Variants in ESRP1 observed in about 807,000 individuals in gnomAD.
ESRP1 encodes epithelial splicing regulatory protein 1.
Under a neutral mutation model 81.7 loss-of-function variants are expected in ESRP1, and 33 were observed. The ratio of observed to expected loss-of-function variants is 0.40; its 90% CI spans 0.31 to 0.54. The LOEUF (loss-of-function observed/expected upper bound fraction) is 0.54, where lower values mean the gene tolerates loss of function less well. Ranked by LOEUF, ESRP1 falls within the 20% of genes least tolerant of loss-of-function variation. The probability of loss-of-function intolerance (pLI) is 0.41; values close to 1 mark genes in which losing one functional copy is unlikely to be tolerated. For synonymous variants in ESRP1, 320 were observed against 303.3 expected (o/e 1.06, Z -0.57); for missense variants, 672 against 833.1 (o/e 0.81, Z 2.38).
chr8:94,692,899 A>C, intron 14 of ESRP1, 72 bp downstream of exon 14: 1 of 1,491,194 alleles, frequency 6.7e-7, no homozygotes, highest in South Asian at 1.2e-5. Context: ...GAATGCAGCC[A>C]GGAAAGAAAC....
At chr8:94,698,472 T>C (rs1432095745) in intron 15 of ESRP1, among the ~76,000 whole-genome samples, 1 of 152,254 alleles carries the variant, frequency 6.6e-6, no homozygotes, top group African/African-American at 2.4e-5. Context: ...CGTGTCTTTT[T>C]CCTTTTCTAG....
intron 13 of ESRP1, among the ~76,000 whole-genome samples, chr8:94,682,996 A>T (rs1488921751): frequency 8.8e-6 from 1 of 114,142 alleles, no homozygotes; most frequent in Non-Finnish European, 1.7e-5. Flanking sequence ...CCAGGCTGGA[A>T]TGCAGTGGCA....
At chr8:94,648,828 A>G (rs957711388) in intron 4 of ESRP1, among the ~76,000 whole-genome samples, 38 of 152,266 alleles carry the variant, frequency 2.5e-4, no homozygotes, top group Admixed American at 1.4e-3. Context: ...AGGATACAGA[A>G]ATATCAATTT....
chr8:94,695,067 A>G (rs1056721182), intron 14 of ESRP1, among the ~76,000 whole-genome samples: 1 of 152,174 alleles, frequency 6.6e-6, no homozygotes, highest in Non-Finnish European at 1.5e-5. Context: ...CTTGAAGAGT[A>G]CATGCCTTCT....
intron 15 of ESRP1, among the ~76,000 whole-genome samples, chr8:94,699,532 C>T (rs1809734350): frequency 6.6e-6 from 1 of 151,958 alleles, no homozygotes; most frequent in Admixed American, 6.6e-5. Flanking sequence ...TCCGGCTACT[C>T]CGGAGGCTGA....
chr8:94,668,511 C>T (rs1295090857), intron 10 of ESRP1: 2 of 279,578 alleles, frequency 7.2e-6, no homozygotes, highest in Non-Finnish European at 6.6e-6. Flanking sequence ...ACTATGAAAG[C>T]TTACCTATGT....
intron 15 of ESRP1, among the ~76,000 whole-genome samples, chr8:94,701,515 G>A (rs1178067311): frequency 6.6e-6 from 1 of 152,152 alleles, no homozygotes; most frequent in African/African-American, 2.4e-5. Context: ...TGTCGGGCTG[G>A]AAGAAATGCT....
chr8:94,693,643 G>A (rs556566575), intron 14 of ESRP1, among the ~76,000 whole-genome samples: 4 of 152,204 alleles, frequency 2.6e-5, no homozygotes, highest in South Asian at 4.1e-4. Flanking sequence ...GGATCTGAAC[G>A]TTGCTTGAGT....
chr8:94,648,081 AC>A (rs1294758024), intron 4 of ESRP1, among the ~76,000 whole-genome samples: 1 of 152,048 alleles, frequency 6.6e-6, no homozygotes, highest in Admixed American at 6.6e-5. Flanking sequence ...ATATAGAGAA[AC>A]CCCATGTCAA....
intron 3 of ESRP1, among the ~76,000 whole-genome samples, chr8:94,644,948 A>T (rs1159436676): frequency 6.6e-6 from 1 of 152,240 alleles, no homozygotes; most frequent in Non-Finnish European, 1.5e-5. Context: ...GAGCATTCAT[A>T]CGGCGTAAGC....
At chr8:94,648,730 A>G (rs1438187508) in intron 4 of ESRP1, among the ~76,000 whole-genome samples, 1 of 152,196 alleles carries the variant, frequency 6.6e-6, no homozygotes, top group Non-Finnish European at 1.5e-5. Flanking sequence ...AAACACCTGG[A>G]GAAGAGCAGA....
intron 12 of ESRP1, among the ~76,000 whole-genome samples, chr8:94,676,190 C>T (rs1250323021): frequency 6.6e-6 from 1 of 151,808 alleles, no homozygotes; most frequent in Non-Finnish European, 1.5e-5. Context: ...GTGAAACCCC[C>T]TCTCTACTAA....
At chr8:94,704,138 A>G (rs1809959207) in intron 15 of ESRP1, among the ~76,000 whole-genome samples, 2 of 149,298 alleles carry the variant, frequency 1.3e-5, no homozygotes, top group Non-Finnish European at 3.0e-5. Context: ...AGGCAGATTT[A>G]ATCTTGAAAT....
intron 11 of ESRP1, among the ~76,000 whole-genome samples, chr8:94,672,326 A>G (rs967640233): frequency 6.6e-6 from 1 of 152,146 alleles, no homozygotes; most frequent in African/African-American, 2.4e-5. Flanking sequence ...TCTCAAATGT[A>G]TTAATGAATG....
intron 3 of ESRP1, 38 bp downstream of exon 3, chr8:94,643,454 C>G (rs1265072796): frequency 7.0e-7 from 1 of 1,421,780 alleles, no homozygotes; most frequent in Non-Finnish European, 9.9e-7. Context: ...ATGGTTGGAG[C>G]TTTGGGGTGA....
At chr8:94,684,265 A>G (rs1034390587) in intron 13 of ESRP1, among the ~76,000 whole-genome samples, 2 of 152,082 alleles carry the variant, frequency 1.3e-5, no homozygotes, top group African/African-American at 2.4e-5. Flanking sequence ...TTTCCTATTT[A>G]TTTGTTTGGT....
intron 13 of ESRP1, among the ~76,000 whole-genome samples, chr8:94,686,991 G>T (rs7813657): frequency 3.3e-5 from 5 of 151,816 alleles, no homozygotes; most frequent in Non-Finnish European, 7.4e-5. Context: ...TTAGGTGTTC[G>T]GTCATTTTTA....
At chr8:94,670,488 G>T (rs753113595) in intron 10 of ESRP1, among the ~76,000 whole-genome samples, 2 of 152,174 alleles carry the variant, frequency 1.3e-5, no homozygotes, top group Non-Finnish European at 2.9e-5. Context: ...CAGGGTGTGA[G>T]TGGGGAAATT....
Position 94,700,937 on chromosome 8 carries a change from A to ATG in ESRP1, c.*35+3990_*35+3991dup, listed in dbSNP as rs1158857032. Among the ~76,000 whole-genome samples, 226 of 125,830 alleles carry ATG rather than the reference A, an allele frequency of 1.8e-3. 4 individuals are homozygous for ATG. Among genetic ancestry groups the ATG allele is most frequent in the South Asian group, 0.017 (66 of 3,984 alleles). 82.5% of individuals were successfully genotyped at this position (125,830 alleles called of 152,430 possible). A position where few individuals can be genotyped will look rare whatever the true frequency, so the allele number is the denominator to read the frequency against. On this transcript the variant is annotated intron_variant, in intron 15 of 15. Coordinates refer to ENST00000433389, the MANE Select transcript of ESRP1 (RefSeq NM_017697.4). ...GAGCAAGACTCCGACTCAAAAAAAA[A>ATG]TGTGTGTGTGTGTGTATGTGTGTGT...
Sources: gnomAD v4.1 joint callset for allele counts (sites outside exome capture counted in the v4.1 genomes callset) on GRCh38, gnomAD v4.1.1 for gene constraint, MANE v1.5 for transcripts, NCBI Gene and HGNC (gene_info 2026-07-23, HGNC 2026-07-21) for gene names.